The following PXK variants were observed in gnomAD, a reference collection of about 807,000 sequenced individuals.
PXK encodes PX domain-containing protein kinase-like protein.
A neutral mutation model predicts 84.7 loss-of-function variants in PXK; 35 were observed. The observed-to-expected ratio is 0.41, with a 90% CI of 0.32 to 0.55. The LOEUF is 0.55. Ranked by LOEUF, PXK falls within the 20% of genes least tolerant of loss-of-function variation. PXK has a pLI of 0.21. For missense variants in PXK, 634 were observed against 699.7 expected (o/e 0.91, Z 1.06); for synonymous variants, 253 against 260.8 (o/e 0.97, Z 0.29).
At chr3:58,415,652 G>T (rs2107677404) in intron 17 of PXK, among the ~76,000 whole-genome samples, 1 of 152,300 alleles carries the variant, frequency 6.6e-6, no homozygotes, top group South Asian at 2.1e-4. Flanking sequence ...ACCCAATTTT[G>T]GTCTGCTCAC....
chr3:58,340,119 AT>A (rs547721745), intron 1 of PXK, among the ~76,000 whole-genome samples: 471 of 125,800 alleles, frequency 3.7e-3, no homozygotes, highest in Middle Eastern at 0.012. Flanking sequence ...CGCCTGGCCG[AT>A]TTTTTTTTTT....
At chr3:58,335,709 G>A (rs2097579836) in intron 1 of PXK, among the ~76,000 whole-genome samples, 2 of 152,048 alleles carry the variant, frequency 1.3e-5, no homozygotes, top group South Asian at 4.1e-4. Context: ...GGTTGGAAGA[G>A]GCAAGACCTT....
chr3:58,408,833 T>G, intron 13 of PXK, 91 bp from the exon 14 acceptor site: 1 of 1,034,442 alleles, frequency 9.7e-7, no homozygotes. Flanking sequence ...AAATGACTCT[T>G]GATAACCACC....
At position 58,333,706 on chromosome 3, in the gene PXK, C is replaced by G. The variant is rs1317071129; in HGVS notation, c.102+616C>G. On this transcript the variant is annotated intron_variant, in intron 1 of 17. Coordinates refer to ENST00000356151, the MANE Select transcript of PXK (RefSeq NM_017771.5). This position sits in a 1 kb window ranked among gnomAD's most constrained non-coding sequence, Gnocchi z 5.4. ...TAAGCAGGTGTATGAATGTGCTTCT[C>G]TAACTTGCTCTTTAGTGGGCAGTGG... The G allele has an allele frequency of 8.9e-6, 4 of 451,062 alleles. No individual in the cohort carries two copies. The highest frequency in any genetic ancestry group is 8.0e-5 in the African/African-American group (4 of 49,916). 27.9% of individuals were successfully genotyped at this position (451,062 alleles called of 1,614,324 possible).
intron 1 of PXK, among the ~76,000 whole-genome samples, chr3:58,348,154 C>T (rs2097855271): frequency 6.6e-6 from 1 of 152,170 alleles, no homozygotes; most frequent in Admixed American, 6.5e-5. Context: ...AGTCATCCAC[C>T]TACCTCTGCC....
chr3:58,358,026 A>G (rs1044052332), intron 1 of PXK, among the ~76,000 whole-genome samples: 2 of 152,174 alleles, frequency 1.3e-5, no homozygotes, highest in African/African-American at 4.8e-5. Flanking sequence ...CTGGACCATC[A>G]TGATATTTGT....
rs553591111 is a variant in PXK, at chr3:58,364,510, G to A, written c.103-1364G>A. 6.6e-5 allele frequency among the ~76,000 whole-genome samples: 10 copies of A among 152,192 alleles called. No homozygotes were observed. The highest frequency in any genetic ancestry group is 1.9e-4 in the African/African-American group (8 of 41,532). ...GCGGATTACTTGAGGTCAGGAGTTC[G>A]AGACCAGCTGGGCCAATATGGTGAA... On this transcript the variant is annotated intron_variant, in intron 1 of 17. Transcript: ENST00000356151. This position sits in a 1 kb window ranked among gnomAD's most constrained non-coding sequence, Gnocchi z 4.3.
intron 1 of PXK, among the ~76,000 whole-genome samples, chr3:58,349,105 A>T (rs2097873354): frequency 6.6e-6 from 1 of 151,056 alleles, no homozygotes. Context: ...ATGGTAGCTC[A>T]TGCCTGTAGC....
At chr3:58,358,062 A>C (rs904494403) in intron 1 of PXK, among the ~76,000 whole-genome samples, 7 of 152,264 alleles carry the variant, frequency 4.6e-5, no homozygotes, top group Non-Finnish European at 1.0e-4. Flanking sequence ...AAATGTCATT[A>C]TGCAGTGCAT....
intron 17 of PXK, chr3:58,422,731 C>T: frequency 1.0e-6 from 1 of 985,388 alleles, no homozygotes. Flanking sequence ...AAGATGGCAG[C>T]CCCTACCCCT....
In PXK at chr3:58,398,685, G is replaced by A. The variant is rs1030993836; in HGVS notation, c.1103-614G>A. On this transcript the variant is annotated intron_variant, in intron 11 of 17. Transcript: ENST00000356151. This position sits in a 1 kb window ranked among gnomAD's most constrained non-coding sequence, Gnocchi z 4.5. ...CACCCACAGCTGGAGCAGAGAGAGGGGAGGGCAGGGTGGCTCTTGGACCCC... is the reference window on the plus strand; with the variant it reads ...CACCCACAGCTGGAGCAGAGAGAGGAGAGGGCAGGGTGGCTCTTGGACCCC... Among the ~76,000 whole-genome samples, 1 of 152,168 alleles carries A rather than the reference G, an allele frequency of 6.6e-6. No individual in the cohort carries two copies. Among genetic ancestry groups the A allele is most frequent in the African/African-American group, 2.4e-5 (1 of 41,432 alleles).
chr3:58,397,114 A>G lies in PXK; in HGVS notation c.898A>G (p.Thr300Ala). The G allele has an allele frequency of 1.2e-6, 2 of 1,614,196 alleles. No homozygotes were observed. Among genetic ancestry groups the G allele is most frequent in the East Asian group, 2.2e-5 (1 of 44,882 alleles). The change falls in exon 10 of 18, where the codon ACT (threonine) becomes GCT (alanine). Residue 300 changes from threonine to alanine, a missense_variant. Coordinates refer to ENST00000356151, the MANE Select transcript of PXK (RefSeq NM_017771.5). This position sits in a 1 kb window ranked among gnomAD's most constrained non-coding sequence, Gnocchi z 4.7. ...HASNVMLDGD[T>A]CRLLDLENSL... ...CTCCAATGTGATGCTCGATGGGGAC[A>G]CTTGCCGGCTGCTGGACCTTGAGAA...
At chr3:58,341,687 G>A (rs1346328484) in intron 1 of PXK, among the ~76,000 whole-genome samples, 1 of 150,488 alleles carries the variant, frequency 6.6e-6, no homozygotes. Flanking sequence ...ATCAATCTTA[G>A]AACATTTTCT....
chr3:58,382,447 C>A, intron 3 of PXK, 67 bp from the exon 4 acceptor site: 1 of 1,324,972 alleles, frequency 7.5e-7, no homozygotes, highest in South Asian at 1.7e-5. Context: ...TATGATAGGT[C>A]AAGATTTTTG....
intron 17 of PXK, chr3:58,420,884 C>T (rs2061722223): frequency 1.7e-6 from 2 of 1,166,004 alleles, no homozygotes; most frequent in African/African-American, 3.2e-5. Context: ...GAAACCATAA[C>T]TCTCAAAGTC....
chr3:58,384,298 A>T (rs1426906904), intron 4 of PXK, among the ~76,000 whole-genome samples: 1 of 152,236 alleles, frequency 6.6e-6, no homozygotes, highest in Non-Finnish European at 1.5e-5. Flanking sequence ...TTGCACGCAC[A>T]TTAAAGCGTG....
chr3:58,337,788 A>G (rs1351342479), intron 1 of PXK, among the ~76,000 whole-genome samples: 1 of 152,180 alleles, frequency 6.6e-6, no homozygotes, highest in Non-Finnish European at 1.5e-5. Flanking sequence ...GATCTTTACC[A>G]TTCATAAAAC....
At chr3:58,353,002 A>AT (rs5849248) in intron 1 of PXK, among the ~76,000 whole-genome samples, 69,153 of 148,778 alleles carry the variant, frequency 0.46, 17,153 homozygotes, top group East Asian at 0.99. Context: ...TATGAATTAG[A>AT]TTTTTTTTTT....
At chr3:58,387,975 G>A (rs867801564) in intron 4 of PXK, among the ~76,000 whole-genome samples, 1 of 152,178 alleles carries the variant, frequency 6.6e-6, no homozygotes, top group African/African-American at 2.4e-5. Flanking sequence ...CAGAAAGGTA[G>A]GTTAAAGCCA....
Sources: gnomAD v4.1 joint callset for allele counts (sites outside exome capture counted in the v4.1 genomes callset) on GRCh38, gnomAD v4.1.1 for gene constraint, Gnocchi (gnomAD v3.1) non-coding constraint, MANE v1.5 for transcripts, NCBI Gene and HGNC (gene_info 2026-07-23, HGNC 2026-07-21) for gene names.